Variants in ANKRD33B observed in about 807,000 individuals in gnomAD.
ANKRD33B encodes ankyrin repeat domain-containing protein 33B.
ANKRD33B carries 6 observed loss-of-function variants against 21.5 expected under a neutral mutation model. The observed-to-expected ratio is 0.28, with a 90% confidence interval of 0.15 to 0.55. The LOEUF (loss-of-function observed/expected upper bound fraction) is 0.55, where lower values mean the gene tolerates loss of function less well. ANKRD33B is among the 20% of genes least tolerant of loss of function. The pLI is 0.94. For missense variants in ANKRD33B, 698 were observed against 747.2 expected, an observed-to-expected ratio of 0.93 and a Z score of 0.77; for synonymous variants, 347 against 342.4, an observed-to-expected ratio of 1.01 and a Z score of -0.15.
chr5:10,564,862 C>T (rs936406724), intron 1 of ANKRD33B, 29 bp downstream of exon 1: 89 of 1,472,596 alleles, frequency 6.0e-5, no homozygotes, highest in Non-Finnish European at 7.1e-5. Context: ...AGGATTTGAG[C>T]CCCCTCACTG....
chr5:10,614,211 C>G (rs189405097), intron 1 of ANKRD33B, among the ~76,000 whole-genome samples: 1 of 152,260 alleles, frequency 6.6e-6, no homozygotes, highest in Admixed American at 6.5e-5. Context: ...AGCCTTTTTT[C>G]TCTTAAAGTC....
intron 3 of ANKRD33B, among the ~76,000 whole-genome samples, chr5:10,642,456 C>A (rs908179958): frequency 6.6e-6 from 1 of 152,200 alleles, no homozygotes; most frequent in African/African-American, 2.4e-5. Flanking sequence ...ATACGAGGTA[C>A]AGAGCAGGAG....
rs144748736 is a variant in ANKRD33B at position 10,621,814 on chromosome 5, C to A, written c.496+3352C>A. On this transcript the variant is annotated intron_variant, in intron 2 of 3. Coordinates refer to ENST00000296657, the MANE Select transcript of ANKRD33B (RefSeq NM_001164440.2). ...GACTGAATGTTTATGTCCTCCCCCT[C>A]AAATTCATATGTTAAAACCCCAACT... is the stretch of plus-strand genomic sequence containing the variant. Among the ~76,000 whole-genome samples the A allele has an allele frequency of 1.5e-3, 226 of 152,326 alleles. 1 individual carries two copies. Among genetic ancestry groups the A allele is most frequent in the African/African-American group, 5.2e-3 (216 of 41,580 alleles).
rs867538481 is a variant in ANKRD33B, at chr5:10,649,291, C to T, written c.663C>T (p.Pro221=). 1 of 1,527,748 alleles carries T rather than the reference C, an allele frequency of 6.5e-7. No homozygotes were observed. Among genetic ancestry groups the T allele is most frequent in the Non-Finnish European group, 8.8e-7 (1 of 1,141,544 alleles). The allele number at this position is 1,527,748 out of a possible 1,614,324, so 94.6% of individuals were successfully genotyped here. A position where few individuals can be genotyped will look rare whatever the true frequency, so the allele number is the denominator to read the frequency against. The change falls in exon 4 of 4, where the codon CCC becomes CCT. Residue 221 remains proline, a synonymous_variant. Transcript: ENST00000296657. ...GGGCGGATGTCCACGCGAGGGACCC[C>T]CGCCGTGGGATGTCGCCGCAGGAGT... is the stretch of plus-strand genomic sequence containing the variant. ...LAGADVHARD[P]RRGMSPQEWA...
At chr5:10,629,147 T>C (rs903871315) in intron 2 of ANKRD33B, among the ~76,000 whole-genome samples, 7 of 152,140 alleles carry the variant, frequency 4.6e-5, no homozygotes, top group Admixed American at 2.6e-4. Context: ...CAGAGGCCCC[T>C]GTTGGTGTCA....
chr5:10,640,522 C>T (rs533023023), intron 3 of ANKRD33B, among the ~76,000 whole-genome samples: 2 of 152,328 alleles, frequency 1.3e-5, no homozygotes, highest in South Asian at 2.1e-4. Flanking sequence ...GCAACCTCAT[C>T]GGGTTATTTT....
At chr5:10,605,460 G>A (rs1456958769) in intron 1 of ANKRD33B, among the ~76,000 whole-genome samples, 1 of 152,222 alleles carries the variant, frequency 6.6e-6, no homozygotes, top group East Asian at 1.9e-4. Context: ...GACAGGGTCT[G>A]TGTTTTTGCT....
chr5:10,650,068 G>A lies in ANKRD33B; in HGVS notation c.1440G>A (p.Glu480=). ...AEEAEKKRQA[E]AQKERRTAPW... Reference sequence around the variant, plus strand: ...AGGCCGAAAAGAAGCGCCAGGCCGAGGCGCAGAAGGAGAGGCGCACTGCGC... The same window carrying A: ...AGGCCGAAAAGAAGCGCCAGGCCGAAGCGCAGAAGGAGAGGCGCACTGCGC... Residue 480 remains glutamate (E), a synonymous_variant, in exon 4 of 4, where the codon GAG becomes GAA. Coordinates refer to ENST00000296657, the MANE Select transcript of ANKRD33B (RefSeq NM_001164440.2). 1 of 1,530,350 alleles carries A rather than the reference G, an allele frequency of 6.5e-7. No individual in the cohort carries two copies. Among genetic ancestry groups the A allele is most frequent in the Non-Finnish European group, 8.7e-7 (1 of 1,143,330 alleles). 94.8% of individuals were successfully genotyped at this position (1,530,350 alleles called of 1,614,324 possible). A position where few individuals can be genotyped will look rare whatever the true frequency, so the allele number is the denominator to read the frequency against.
At chr5:10,606,806 G>A (rs1398581420) in intron 1 of ANKRD33B, among the ~76,000 whole-genome samples, 1 of 150,574 alleles carries the variant, frequency 6.6e-6, no homozygotes, top group South Asian at 2.1e-4. Context: ...TCAGCTCGCT[G>A]CAAGCTCCGC....
At chr5:10,635,433 C>G (rs539122022) in intron 2 of ANKRD33B, among the ~76,000 whole-genome samples, 1 of 152,100 alleles carries the variant, frequency 6.6e-6, no homozygotes, top group Non-Finnish European at 1.5e-5. Flanking sequence ...TAGTAAAGGA[C>G]GAGGGAGAGC....
rs114884342 is a variant in ANKRD33B at position 10,601,732 on chromosome 5, C to T, written c.367-16601C>T. Reference sequence around the variant, plus strand: ...CCTCCTCCCTGCGGGGCATGCTCTCCGTGGATGTGCTGGTTTAGTCACACA... The same window carrying T: ...CCTCCTCCCTGCGGGGCATGCTCTCTGTGGATGTGCTGGTTTAGTCACACA... On this transcript the variant is annotated intron_variant, in intron 1 of 3. Coordinates refer to ENST00000296657, the MANE Select transcript of ANKRD33B (RefSeq NM_001164440.2). 7.0e-3 allele frequency among the ~76,000 whole-genome samples: 1,065 copies of T among 152,328 alleles called. 11 individuals carry two copies. Among genetic ancestry groups the T allele is most frequent in the African/African-American group, 0.024 (1,004 of 41,568 alleles).
At chr5:10,593,417 A>G (rs1735740871) in intron 1 of ANKRD33B, among the ~76,000 whole-genome samples, 2 of 152,124 alleles carry the variant, frequency 1.3e-5, no homozygotes, top group Admixed American at 6.5e-5. Flanking sequence ...CCTCCCCTTT[A>G]GACACTGGAT....
intron 1 of ANKRD33B, among the ~76,000 whole-genome samples, chr5:10,607,619 T>C (rs1202482843): frequency 1.3e-5 from 2 of 152,226 alleles, no homozygotes; most frequent in Admixed American, 6.5e-5. Context: ...AAAGACTTTG[T>C]GTGTGTACTT....
Position 10,619,528 on chromosome 5 carries a change from A to C in ANKRD33B, c.496+1066A>C, listed in dbSNP as rs982413933. 7.0e-6 allele frequency: 2 copies of C among 285,484 alleles called. No individual in the cohort carries two copies. The highest frequency in any genetic ancestry group is 4.6e-5 in the African/African-American group (2 of 43,736). The allele number at this position is 285,484 out of a possible 1,614,324, so 17.7% of individuals were successfully genotyped here. A position where few individuals can be genotyped will look rare whatever the true frequency, so the allele number is the denominator to read the frequency against. On this transcript the variant is annotated intron_variant, in intron 2 of 3. Transcript: ENST00000296657. The surrounding 1 kb of genome is among the most constrained non-coding windows in gnomAD (Gnocchi z 4.5). The stretch of plus-strand genomic sequence containing the variant: ...GGAGGCTGGAAAACCAGTGTTTGAC[A>C]GTTTCATCCCCTGTGGTGGGAGTGG...
intron 1 of ANKRD33B, among the ~76,000 whole-genome samples, chr5:10,579,687 C>T (rs980004790): frequency 1.5e-4 from 23 of 150,620 alleles, no homozygotes; most frequent in African/African-American, 5.4e-4. Flanking sequence ...TAAGTAGTCA[C>T]GGGATGACTA....
At chr5:10,583,336 C>G (rs1305242781) in intron 1 of ANKRD33B, among the ~76,000 whole-genome samples, 1 of 152,194 alleles carries the variant, frequency 6.6e-6, no homozygotes, top group Non-Finnish European at 1.5e-5. Context: ...AGTATCGTGC[C>G]CTGTTGCCAG....
intron 2 of ANKRD33B, among the ~76,000 whole-genome samples, chr5:10,635,559 T>C (rs973184698): frequency 4.6e-5 from 7 of 152,228 alleles, no homozygotes. Context: ...TCATCAGGGC[T>C]TCCTTTTCAA....
intron 1 of ANKRD33B, among the ~76,000 whole-genome samples, chr5:10,600,264 A>G (rs1360841035): frequency 1.3e-5 from 2 of 152,258 alleles, no homozygotes; most frequent in Non-Finnish European, 2.9e-5. Flanking sequence ...ATGAATATGC[A>G]CATGTAAATG....
intron 3 of ANKRD33B, among the ~76,000 whole-genome samples, chr5:10,641,222 CTTCTTT>C (rs201065982): frequency 0.067 from 7,587 of 113,402 alleles, 149 homozygotes; most frequent in Non-Finnish European, 0.1. Context: ...TCTTCTTCTT[CTTCTTT>C]TTTTTTTTTT....
Sources: allele counts gnomAD v4.1 joint callset (sites outside exome capture counted in the v4.1 genomes callset), GRCh38; gene constraint gnomAD v4.1.1; non-coding constraint Gnocchi (gnomAD v3.1); transcripts MANE v1.5; gene names NCBI Gene and HGNC (gene_info 2026-07-23, HGNC 2026-07-21).